Variants in MINDY4B observed in about 807,000 individuals in gnomAD.
The protein encoded by MINDY4B is inactive ubiquitin carboxyl-terminal hydrolase MINDY-4B.
MINDY4B carries 25 observed loss-of-function variants against 16.7 expected under a neutral mutation model. That is an observed-to-expected ratio of 1.49 (90% CI 1.09 to 2.09). The LOEUF is 2.09. Ranked by LOEUF, MINDY4B falls within the 30% of genes most tolerant of loss-of-function variation. The pLI is 0.00. For synonymous variants in MINDY4B, 132 were observed against 61.9 expected (o/e 2.13, Z -5.32); for missense variants, 327 against 168.4 (o/e 1.94, Z -5.21).
intron 10 of MINDY4B, among the ~76,000 whole-genome samples, chr3:150,882,487 C>T: frequency 1.9e-5 from 1 of 53,184 alleles, no homozygotes; most frequent in Non-Finnish European, 4.1e-5. Context: ...CCATCAACTG[C>T]TAACAGTATT....
At chr3:150,876,914 G>A (rs1711497526) in intron 10 of MINDY4B, among the ~76,000 whole-genome samples, 1 of 152,144 alleles carries the variant, frequency 6.6e-6, no homozygotes, top group Non-Finnish European at 1.5e-5. Context: ...ACTCAAATCT[G>A]TACCTTCAAA....
chr3:150,877,162 C>T (rs564918573), intron 10 of MINDY4B, among the ~76,000 whole-genome samples: 15 of 152,150 alleles, frequency 9.9e-5, no homozygotes, highest in African/African-American at 2.2e-4. Flanking sequence ...TTAGAGAAGA[C>T]GGAGGCAGCA....
intron 5 of MINDY4B, among the ~76,000 whole-genome samples, chr3:150,892,930 G>C (rs1320395574): frequency 7.2e-6 from 1 of 139,448 alleles, no homozygotes; most frequent in Non-Finnish European, 1.6e-5. Flanking sequence ...ACAAGAGTGA[G>C]ACTTTGTTGC....
chr3:150,896,704 C>T (rs1419046725), intron 3 of MINDY4B, among the ~76,000 whole-genome samples: 1 of 152,166 alleles, frequency 6.6e-6, no homozygotes, highest in East Asian at 1.9e-4. Flanking sequence ...CTGAGGGTTG[C>T]CTGCACAAAA....
At chr3:150,885,297 A>G (rs892106061) in intron 8 of MINDY4B, 71 bp downstream of exon 8, 2 of 676,384 alleles carry the variant, frequency 3.0e-6, no homozygotes, top group East Asian at 2.7e-5. Flanking sequence ...AGATTTTTCA[A>G]TACAAGAGTA....
At chr3:150,883,886 T>C in intron 8 of MINDY4B, 114 bp from the exon 9 acceptor site, 1 of 638,298 alleles carries the variant, frequency 1.6e-6, no homozygotes, top group South Asian at 1.7e-5. Flanking sequence ...CTAGTCACTG[T>C]TTCTCACTTG....
At chr3:150,886,918 T>G (rs1195382467) in intron 7 of MINDY4B, among the ~76,000 whole-genome samples, 1 of 152,222 alleles carries the variant, frequency 6.6e-6, no homozygotes, top group East Asian at 1.9e-4. Context: ...GTAGTCTCCC[T>G]TATCCATGGG....
intron 3 of MINDY4B, among the ~76,000 whole-genome samples, chr3:150,902,457 G>A (rs1320406317): frequency 6.6e-6 from 1 of 152,186 alleles, no homozygotes; most frequent in Non-Finnish European, 1.5e-5. Context: ...CAATCCAATG[G>A]GAGGGGCATC....
chr3:150,885,490 G>A (rs1275469546), intron 7 of MINDY4B, 52 bp from the exon 8 acceptor site: 7 of 696,156 alleles, frequency 1.0e-5, no homozygotes, highest in African/African-American at 7.1e-5. Context: ...ACACAGACAC[G>A]TGTATCTGTG....
Position 150,883,552 on chromosome 3 carries a change from G to A in MINDY4B, c.897+148C>T, listed in dbSNP as rs144170605. On this transcript the variant is annotated intron_variant, in intron 9 of 11. Coordinates refer to ENST00000465419, the MANE Select transcript of MINDY4B (RefSeq NM_001351281.2). The stretch of plus-strand genomic sequence containing the variant: ...TCTTCATACTCTTTCAAAGATAACC[G>A]GATTGCTCTTTACTTAAGGAGAGAA... The A allele has an allele frequency of 3.3e-4, 197 of 605,504 alleles. 1 individual carries two copies. Among genetic ancestry groups the A allele is most frequent in the Middle Eastern group, 1.5e-3 (5 of 3,244 alleles). 37.5% of individuals were successfully genotyped at this position (605,504 alleles called of 1,614,324 possible).
In MINDY4B at chr3:150,870,590, C is replaced by G. The variant is rs754894810; in HGVS notation, c.*455G>C. Among the ~76,000 whole-genome samples the G allele has an allele frequency of 6.6e-6, 1 of 152,168 alleles. No individual in the cohort carries two copies. Among genetic ancestry groups the G allele is most frequent in the East Asian group, 1.9e-4 (1 of 5,192 alleles). On this transcript the variant is annotated 3_prime_UTR_variant, in exon 12 of 12. Transcript: ENST00000465419. ...TGAACTGTATCCTTGGAAAGGAATG[C>G]CGTCCATACCAGGAAGTCCTTGAGA... is the stretch of plus-strand genomic sequence containing the variant.
intron 10 of MINDY4B, among the ~76,000 whole-genome samples, chr3:150,875,537 C>T (rs1362010589): frequency 6.6e-6 from 1 of 152,144 alleles, no homozygotes; most frequent in Non-Finnish European, 1.5e-5. Flanking sequence ...TCACTTGGCA[C>T]TCAGATAAAC....
chr3:150,895,875 C>T (rs905493380), intron 3 of MINDY4B, among the ~76,000 whole-genome samples: 5 of 152,118 alleles, frequency 3.3e-5, no homozygotes, highest in African/African-American at 1.2e-4. Context: ...GTTTGTGCTT[C>T]TTGTATTTTG....
intron 1 of MINDY4B, 80 bp from the exon 2 acceptor site, chr3:150,905,169 C>G (rs1199103835): frequency 2.5e-6 from 1 of 398,320 alleles, no homozygotes; most frequent in African/African-American, 2.1e-5. Context: ...AAACCCCAAC[C>G]TTGCTAGGGA....
intron 10 of MINDY4B, among the ~76,000 whole-genome samples, chr3:150,874,003 TG>T (rs1312596798): frequency 7.2e-6 from 1 of 139,058 alleles, no homozygotes; most frequent in East Asian, 2.1e-4. Context: ...AATTTAGCCT[TG>T]ATTTTTTTTT....
intron 8 of MINDY4B, 127 bp from the exon 9 acceptor site, chr3:150,883,899 C>T: frequency 1.6e-6 from 1 of 618,370 alleles, no homozygotes; most frequent in Non-Finnish European, 2.9e-6. Flanking sequence ...CTCACTTGCA[C>T]TTTTCCATCT....
intron 3 of MINDY4B, among the ~76,000 whole-genome samples, chr3:150,897,321 C>CTGTGTGTGTGTGTGTG (rs3062408): frequency 2.5e-4 from 32 of 130,598 alleles, no homozygotes; most frequent in African/African-American, 8.7e-4. Flanking sequence ...GTGACTGGAA[C>CTGTGTGTGTGTGTGTG]TGTGTGTGTG....
Position 150,870,394 on chromosome 3 carries a change from C to T in MINDY4B, c.*651G>A, listed in dbSNP as rs890973956. On this transcript the variant is annotated 3_prime_UTR_variant, in exon 12 of 12. Transcript: ENST00000465419. ...TGTCTGTTTGTGTATTTATATCCAG[C>T]ATTGAAGAAAAGAAACAAACATACT... Among the ~76,000 whole-genome samples the T allele has an allele frequency of 3.3e-5, 5 of 152,098 alleles. No homozygotes were observed. Among genetic ancestry groups the T allele is most frequent in the South Asian group, 2.1e-4 (1 of 4,814 alleles).
intron 10 of MINDY4B, among the ~76,000 whole-genome samples, chr3:150,875,263 G>A (rs1717060183): frequency 6.6e-6 from 1 of 152,140 alleles, no homozygotes; most frequent in African/African-American, 2.4e-5. Flanking sequence ...AGGCCTTCTT[G>A]CTATGGCACC....
Sources: allele counts gnomAD v4.1 joint callset (sites outside exome capture counted in the v4.1 genomes callset), GRCh38; gene constraint gnomAD v4.1.1; transcripts MANE v1.5; gene names NCBI Gene and HGNC (gene_info 2026-07-23, HGNC 2026-07-21).